Variants in TEKT5 observed in about 807,000 individuals in gnomAD.
The protein encoded by TEKT5 is tektin 5, also known as tektin-5.
In TEKT5, 52 loss-of-function variants were observed where a neutral mutation model predicts 48.7. That is an observed-to-expected ratio of 1.07 (90% CI 0.86 to 1.35). The LOEUF (loss-of-function observed/expected upper bound fraction) is 1.35, where lower values mean the gene tolerates loss of function less well. Ranked by LOEUF, TEKT5 falls within the 40% of genes most tolerant of loss-of-function variation. The pLI is 0.00. For missense variants in TEKT5, 831 were observed against 641.6 expected (o/e 1.30, Z -3.19); for synonymous variants, 318 against 267.6 (o/e 1.19, Z -1.84).
intron 3 of TEKT5, among the ~76,000 whole-genome samples, chr16:10,683,640 G>C (rs1043457439): frequency 4.6e-5 from 7 of 152,038 alleles, no homozygotes; most frequent in African/African-American, 1.4e-4. Context: ...GCTTAGGCTG[G>C]AGTGCAGTGG....
chr16:10,635,010 G>A (rs1243925810), intron 6 of TEKT5, among the ~76,000 whole-genome samples: 1 of 152,160 alleles, frequency 6.6e-6, no homozygotes, highest in Non-Finnish European at 1.5e-5. Flanking sequence ...ACCTTTTGGG[G>A]TACTTTATTA....
chr16:10,650,572 T>C (rs956665304), intron 5 of TEKT5, among the ~76,000 whole-genome samples: 2 of 151,596 alleles, frequency 1.3e-5, no homozygotes. Context: ...CAGGGTCATC[T>C]TCATTAGAAG....
chr16:10,646,186 T>C (rs979238376), intron 5 of TEKT5, among the ~76,000 whole-genome samples: 3 of 152,158 alleles, frequency 2.0e-5, no homozygotes. Context: ...ATGGACATCC[T>C]GTATTTGTCT....
At chr16:10,679,828 T>G (rs1228942313) in intron 4 of TEKT5, among the ~76,000 whole-genome samples, 1 of 151,912 alleles carries the variant, frequency 6.6e-6, no homozygotes, top group Non-Finnish European at 1.5e-5. Context: ...ACCCAGGAGA[T>G]GGAGGCTGTG....
Position 10,628,905 on chromosome 16 carries a change from C to CAAAAAAAAAAA in TEKT5, c.1242-1117_1242-1107dup, listed in dbSNP as rs201157132. ...TGGGAGCCTGAGCGAAACTCTGTCT[C>CAAAAAAAAAAA]AAAAAAAAAAAAAAAAAGGAATGAA... On this transcript the variant is annotated intron_variant, in intron 6 of 6. Transcript: ENST00000283025. Among the ~76,000 whole-genome samples the CAAAAAAAAAAA allele has an allele frequency of 1.6e-3, 129 of 79,252 alleles. 2 individuals carry two copies. Among genetic ancestry groups the CAAAAAAAAAAA allele is most frequent in the African/African-American group, 5.1e-3 (125 of 24,414 alleles). The allele number at this position is 79,252 out of a possible 152,430, so 52.0% of individuals were successfully genotyped here. A position where few individuals can be genotyped will look rare whatever the true frequency, so the allele number is the denominator to read the frequency against.
intron 5 of TEKT5, among the ~76,000 whole-genome samples, chr16:10,646,643 A>C (rs1176783069): frequency 6.7e-6 from 1 of 149,720 alleles, no homozygotes; most frequent in Middle Eastern, 3.4e-3. Flanking sequence ...TAGCTTAAGA[A>C]AAAATCCAGG....
At chr16:10,680,638 AG>A (rs1898730469) in intron 4 of TEKT5, among the ~76,000 whole-genome samples, 1 of 152,024 alleles carries the variant, frequency 6.6e-6, no homozygotes, top group East Asian at 1.9e-4. Flanking sequence ...GACTGGATTA[AG>A]AAAATGTGGC....
In TEKT5 at chr16:10,694,326, A is replaced by G. The variant is rs1450443729; in HGVS notation, c.548T>C (p.Val183Ala). 20 of 1,601,318 alleles carry G rather than the reference A, an allele frequency of 1.2e-5. No homozygotes were observed. Among genetic ancestry groups the G allele is most frequent in the Non-Finnish European group, 1.7e-5 (20 of 1,173,398 alleles). ...TGTACTCACCTGCAATGGGCAGTTC[A>G]CCTCATTGGCCGCGCACTCCAGCCG... The part of the protein sequence containing the change: ...KRRLECAANE[V>A]NCPLQVALEC... Residue 183 changes from valine (V) to alanine (A), a missense_variant, in exon 1 of 7, where the codon GTG becomes GCG. Transcript: ENST00000283025.
rs139009924 is a variant in TEKT5 at position 10,686,548 on chromosome 16, T to C, written c.719+2705A>G. Among the ~76,000 whole-genome samples the C allele has an allele frequency of 2.7e-3, 413 of 151,862 alleles. 2 individuals carry two copies. Among genetic ancestry groups the C allele is most frequent in the African/African-American group, 9.5e-3 (394 of 41,412 alleles). On this transcript the variant is annotated intron_variant, in intron 3 of 6. Transcript: ENST00000283025. ...AACATAGGGGAAAAGTTCCATGACA[T>C]TGGTCTGGACAACGACCCCAATAGC... is the stretch of plus-strand genomic sequence containing the variant.
chr16:10,637,067 C>G (rs1434231064), intron 5 of TEKT5, among the ~76,000 whole-genome samples: 1 of 151,022 alleles, frequency 6.6e-6, no homozygotes, highest in Non-Finnish European at 1.5e-5. Flanking sequence ...CTGCAAACTC[C>G]GCCTCCGGGG....
intron 5 of TEKT5, among the ~76,000 whole-genome samples, chr16:10,636,680 T>C (rs1159722345): frequency 2.4e-5 from 3 of 126,208 alleles, no homozygotes; most frequent in African/African-American, 6.2e-5. Context: ...TTTTCATATA[T>C]ACATACATAC....
chr16:10,653,144 C>G (rs1898197917), intron 5 of TEKT5, among the ~76,000 whole-genome samples: 1 of 152,218 alleles, frequency 6.6e-6, no homozygotes, highest in Non-Finnish European at 1.5e-5. Context: ...CCTGGCATAT[C>G]CTAGTGGCTG....
At chr16:10,659,386 T>C (rs557741277) in intron 5 of TEKT5, among the ~76,000 whole-genome samples, 40 of 152,322 alleles carry the variant, frequency 2.6e-4, no homozygotes, top group African/African-American at 9.6e-4. Context: ...TATTTATTTA[T>C]TTACTTATTT....
intron 4 of TEKT5, among the ~76,000 whole-genome samples, chr16:10,681,552 G>A (rs1379501852): frequency 2.6e-5 from 4 of 151,748 alleles, no homozygotes; most frequent in Admixed American, 6.6e-5. Flanking sequence ...GCCACCAGCC[G>A]ACCCCAGTTG....
chr16:10,675,846 G>T, intron 5 of TEKT5, 113 bp downstream of exon 5: 1 of 1,012,316 alleles, frequency 9.9e-7, no homozygotes. Context: ...GGGAGAGAGG[G>T]TACTGCTTTG....
chr16:10,673,646 A>ATTT (rs60322821), intron 5 of TEKT5, among the ~76,000 whole-genome samples: 50 of 105,744 alleles, frequency 4.7e-4, no homozygotes, highest in Middle Eastern at 5.3e-3. Context: ...CACCCATTCT[A>ATTT]TTTTTTTTTT....
At chr16:10,666,041 C>T (rs1219855211) in intron 5 of TEKT5, among the ~76,000 whole-genome samples, 1 of 152,198 alleles carries the variant, frequency 6.6e-6, no homozygotes, top group Non-Finnish European at 1.5e-5. Flanking sequence ...AGTTTGAGAC[C>T]AGCCTGGCCA....
intron 5 of TEKT5, among the ~76,000 whole-genome samples, chr16:10,670,142 T>C (rs1898527279): frequency 6.6e-6 from 1 of 152,220 alleles, no homozygotes; most frequent in Non-Finnish European, 1.5e-5. Flanking sequence ...CCTTGCAGCA[T>C]AGGTAAGGAT....
chr16:10,694,588 G>C lies in TEKT5; in HGVS notation c.286C>G (p.Gln96Glu), dbSNP rs151297766. 2.1e-4 allele frequency: 337 copies of C among 1,606,688 alleles called. 2 individuals carry two copies. The African/African-American group carries it at 3.8e-3, about 18-fold the overall frequency. Residue 96 changes from glutamine to glutamate, a missense_variant, in exon 1 of 7, where the codon CAG (glutamine) becomes GAG (glutamate). Gln to Glu is a conservative substitution (Grantham distance 29). Coordinates refer to ENST00000283025, the MANE Select transcript of TEKT5 (RefSeq NM_144674.2). Reference protein sequence around the residue: ...FSRYSPHDWDQSNQLQVRGAE... With the variant: ...FSRYSPHDWDESNQLQVRGAE... ...CCACGCACCTGCAGCTGGTTGGACT[G>C]GTCCCAGTCGTGGGGGCTATAGCGA...
Sources: gnomAD v4.1 joint callset for allele counts (sites outside exome capture counted in the v4.1 genomes callset) on GRCh38, gnomAD v4.1.1 for gene constraint, MANE v1.5 for transcripts, NCBI Gene and HGNC (gene_info 2026-07-23, HGNC 2026-07-21) for gene names.